ARSB: variants seen among roughly 807,000 people sequenced by gnomAD.
ARSB encodes arylsulfatase B.
ARSB carries 41 observed loss-of-function variants against 50.9 expected under a neutral mutation model. That is an observed-to-expected ratio of 0.81 (90% CI 0.63 to 1.04). The LOEUF is 1.04. ARSB is among the 50% of genes least tolerant of loss of function. The probability of loss-of-function intolerance (pLI) is 0.00; values close to 1 mark genes in which losing one functional copy is unlikely to be tolerated. For missense variants in ARSB, 672 were observed against 693.3 expected, an observed-to-expected ratio of 0.97 and a Z score of 0.35; for synonymous variants, 269 against 284.8, an observed-to-expected ratio of 0.94 and a Z score of 0.56.
At chr5:78,849,146 TATGTCCTGA>T (rs1745614835) in intron 5 of ARSB, among the ~76,000 whole-genome samples, 1 of 152,176 alleles carries the variant, frequency 6.6e-6, no homozygotes, top group South Asian at 2.1e-4. Flanking sequence ...TGCCCATGCC[TATGTCCTGA>T]ATGGTAATGC....
At chr5:78,810,881 T>C (rs760817251) in intron 6 of ARSB, among the ~76,000 whole-genome samples, 68 of 152,250 alleles carry the variant, frequency 4.5e-4, no homozygotes, top group Non-Finnish European at 9.1e-4. Context: ...TTTGACATAG[T>C]GTTGTTAACA....
intron 4 of ARSB, among the ~76,000 whole-genome samples, chr5:78,917,874 A>G (rs1749631896): frequency 6.6e-6 from 1 of 152,210 alleles, no homozygotes; most frequent in Non-Finnish European, 1.5e-5. Context: ...AAGGAAGACT[A>G]GATATACTTC....
chr5:78,944,626 C>T (rs748176671), intron 4 of ARSB, among the ~76,000 whole-genome samples: 2 of 152,218 alleles, frequency 1.3e-5, no homozygotes, highest in Non-Finnish European at 2.9e-5. Context: ...GCTGCATGAT[C>T]ATTCCTCTGG....
At chr5:78,901,931 G>A (rs1016614280) in intron 4 of ARSB, among the ~76,000 whole-genome samples, 1 of 152,234 alleles carries the variant, frequency 6.6e-6, no homozygotes, top group African/African-American at 2.4e-5. Flanking sequence ...GCTGGTGGGA[G>A]TGTAACATGA....
At chr5:78,857,242 T>C (rs1746193373) in intron 5 of ARSB, among the ~76,000 whole-genome samples, 1 of 152,176 alleles carries the variant, frequency 6.6e-6, no homozygotes, top group South Asian at 2.1e-4. Context: ...TTCTAAGACA[T>C]TTTATGATGT....
chr5:78,899,168 G>A (rs948684188), intron 4 of ARSB, among the ~76,000 whole-genome samples: 3 of 152,086 alleles, frequency 2.0e-5, no homozygotes, highest in Non-Finnish European at 4.4e-5. Flanking sequence ...TTTCCTTAGA[G>A]TAATCCGTTG....
At chr5:78,903,113 G>A (rs1300041586) in intron 4 of ARSB, among the ~76,000 whole-genome samples, 1 of 152,116 alleles carries the variant, frequency 6.6e-6, no homozygotes, top group Non-Finnish European at 1.5e-5. Flanking sequence ...ACCCATAATG[G>A]TGTACCAGGG....
intron 5 of ARSB, among the ~76,000 whole-genome samples, chr5:78,875,230 AT>A (rs1218100404): frequency 1.3e-5 from 2 of 152,188 alleles, no homozygotes; most frequent in African/African-American, 2.4e-5. Flanking sequence ...AAAACCCAAA[AT>A]TTGGAAACTT....
intron 6 of ARSB, among the ~76,000 whole-genome samples, chr5:78,784,578 T>A (rs1467854730): frequency 6.6e-6 from 1 of 152,216 alleles, no homozygotes; most frequent in Admixed American, 6.5e-5. Flanking sequence ...CCTGAGCAGG[T>A]ATAGGACCAT....
intron 5 of ARSB, among the ~76,000 whole-genome samples, chr5:78,852,068 T>G (rs1286487797): frequency 6.6e-6 from 1 of 152,242 alleles, no homozygotes; most frequent in Non-Finnish European, 1.5e-5. Context: ...ACATTTAAAG[T>G]TAATATTGTT....
intron 5 of ARSB, among the ~76,000 whole-genome samples, chr5:78,857,908 C>T (rs1746231203): frequency 6.6e-6 from 1 of 152,170 alleles, no homozygotes; most frequent in Non-Finnish European, 1.5e-5. Flanking sequence ...CAGTAGCTTG[C>T]ACTGATAGAA....
At chr5:78,963,819 G>A (rs1179573880) in intron 3 of ARSB, among the ~76,000 whole-genome samples, 2 of 152,092 alleles carry the variant, frequency 1.3e-5, no homozygotes, top group Non-Finnish European at 2.9e-5. Flanking sequence ...AATCCAAGCA[G>A]ACACTTTGGG....
At chr5:78,866,129 T>C (rs1422818257) in intron 5 of ARSB, among the ~76,000 whole-genome samples, 2 of 152,300 alleles carry the variant, frequency 1.3e-5, no homozygotes, top group East Asian at 3.9e-4. Flanking sequence ...ATTACTCTGT[T>C]TTCATGCTGC....
At chr5:78,982,929 C>T (rs1170273035) in intron 1 of ARSB, among the ~76,000 whole-genome samples, 1 of 152,200 alleles carries the variant, frequency 6.6e-6, no homozygotes, top group Non-Finnish European at 1.5e-5. Context: ...AGCTTCTCTA[C>T]TCATCCTTTA....
intron 5 of ARSB, among the ~76,000 whole-genome samples, chr5:78,870,834 G>A (rs1747120036): frequency 6.6e-6 from 1 of 151,950 alleles, no homozygotes; most frequent in Non-Finnish European, 1.5e-5. Context: ...GCAGGGGAAG[G>A]AAATAAAGGG....
At position 78,867,002 on chromosome 5, in the gene ARSB, C is replaced by T. The variant is rs571218454; in HGVS notation, c.1142+18582G>A. Among the ~76,000 whole-genome samples, 445 of 152,328 alleles carry T rather than the reference C, an allele frequency of 2.9e-3. 1 individual carries two copies. The highest frequency in any genetic ancestry group is 4.7e-3 in the Non-Finnish European group (318 of 68,020). On this transcript the variant is annotated intron_variant, in intron 5 of 7. Coordinates refer to ENST00000264914, the MANE Select transcript of ARSB (RefSeq NM_000046.5). ...AAAGCAGGGCGAGGCATTGCCTCAC[C>T]TGGGAAGCGCAAGGGGTCAGGGAGT...
At chr5:78,972,700 G>A (rs1465145562) in intron 1 of ARSB, among the ~76,000 whole-genome samples, 1 of 152,152 alleles carries the variant, frequency 6.6e-6, no homozygotes, top group Non-Finnish European at 1.5e-5. Flanking sequence ...AAGCCCCAGT[G>A]GAGATAAATG....
chr5:78,966,944 A>T (rs77224840), intron 2 of ARSB, among the ~76,000 whole-genome samples: 1 of 140,416 alleles, frequency 7.1e-6, no homozygotes, highest in Non-Finnish European at 1.6e-5. Context: ...AAAAAAAAAA[A>T]GCTAAGATTG....
chr5:78,946,066 A>G (rs1449073163), intron 4 of ARSB, among the ~76,000 whole-genome samples: 1 of 152,238 alleles, frequency 6.6e-6, no homozygotes, highest in African/African-American at 2.4e-5. Context: ...TGAAAGACGG[A>G]GTGAATAAAT....
Sources: allele counts gnomAD v4.1 joint callset (sites outside exome capture counted in the v4.1 genomes callset), GRCh38; gene constraint gnomAD v4.1.1; transcripts MANE v1.5; gene names NCBI Gene and HGNC (gene_info 2026-07-23, HGNC 2026-07-21).